Variants in OCIAD1 observed in about 807,000 individuals in gnomAD.
OCIAD1 encodes OCIA domain containing 1.
OCIAD1 carries 29 observed loss-of-function variants against 38.9 expected under a neutral mutation model. That is an observed-to-expected ratio of 0.74 (90% CI 0.55 to 1.02). OCIAD1 has a LOEUF of 1.02. OCIAD1 is among the 50% of genes least tolerant of loss of function. The pLI is 0.00. For synonymous variants in OCIAD1, 110 were observed against 92.0 expected, an observed-to-expected ratio of 1.20 and a Z score of -1.12; for missense variants, 288 against 289.6, an observed-to-expected ratio of 0.99 and a Z score of 0.04.
chr4:48,843,482 A>G (rs1778713090), intron 4 of OCIAD1, among the ~76,000 whole-genome samples: 2 of 152,212 alleles, frequency 1.3e-5, no homozygotes, highest in African/African-American at 4.8e-5. Context: ...ACATTAGGAT[A>G]TGATGTATGG....
intron 1 of OCIAD1, among the ~76,000 whole-genome samples, chr4:48,817,762 T>G (rs1777156493): frequency 6.6e-6 from 1 of 152,196 alleles, no homozygotes. Context: ...CTGCCATTAC[T>G]GACATTTTAG....
intron 7 of OCIAD1, among the ~76,000 whole-genome samples, chr4:48,855,274 G>A (rs931968627): frequency 6.6e-6 from 1 of 152,124 alleles, no homozygotes; most frequent in African/African-American, 2.4e-5. Flanking sequence ...AAGTACACAC[G>A]ATTTCCTTCA....
At chr4:48,852,067 G>A in intron 7 of OCIAD1, 92 bp downstream of exon 7, 1 of 874,096 alleles carries the variant, frequency 1.1e-6, no homozygotes, top group Admixed American at 2.3e-5. Flanking sequence ...GATATCACCT[G>A]TGTGTTCTAC....
At chr4:48,811,673 T>C (rs1261434126) in intron 1 of OCIAD1, among the ~76,000 whole-genome samples, 1 of 151,870 alleles carries the variant, frequency 6.6e-6, no homozygotes, top group Non-Finnish European at 1.5e-5. Context: ...ACAATAATAA[T>C]GAGAAGGGAT....
intron 3 of OCIAD1, among the ~76,000 whole-genome samples, chr4:48,837,428 G>A (rs1483546161): frequency 6.6e-6 from 1 of 151,738 alleles, no homozygotes; most frequent in Non-Finnish European, 1.5e-5. Flanking sequence ...AAGTAGCTGG[G>A]CTTATAGGCG....
At chr4:48,826,519 A>C (rs1047777058), upstream of OCIAD1, among the ~76,000 whole-genome samples, 3 of 152,162 alleles carry the variant, frequency 2.0e-5, no homozygotes. Flanking sequence ...TTCCTGGAAT[A>C]CTATATTTTC....
chr4:48,808,016 T>A (rs1022014333), intron 1 of OCIAD1, among the ~76,000 whole-genome samples: 2 of 152,248 alleles, frequency 1.3e-5, no homozygotes, highest in African/African-American at 4.8e-5. Context: ...AAAATACTAT[T>A]TTTATAAACA....
intron 8 of OCIAD1, among the ~76,000 whole-genome samples, chr4:48,858,212 A>G (rs1780264804): frequency 6.6e-6 from 1 of 152,094 alleles, no homozygotes; most frequent in African/African-American, 2.4e-5. Context: ...AAGTCTTAAG[A>G]CAGCAAGATT....
At chr4:48,828,725 A>C (rs1193607653), upstream of OCIAD1, among the ~76,000 whole-genome samples, 1 of 152,150 alleles carries the variant, frequency 6.6e-6, no homozygotes, top group African/African-American at 2.4e-5. Flanking sequence ...AAGACCACGA[A>C]CCCACCAGAA....
chr4:48,810,468 C>CA (rs749988114), intron 1 of OCIAD1, among the ~76,000 whole-genome samples: 2,179 of 41,448 alleles, frequency 0.053, 71 homozygotes, highest in East Asian at 0.12. Flanking sequence ...GACTCCATCT[C>CA]AAAAAAAAAA....
Position 48,833,412 on chromosome 4 carries a change from GATTAC to G in OCIAD1, c.74_78del (p.Tyr25SerfsTer14). 1 of 1,596,140 alleles carries G rather than the reference GATTAC, an allele frequency of 6.3e-7. No individual in the cohort carries two copies. The highest frequency in any genetic ancestry group is 8.6e-7 in the Non-Finnish European group (1 of 1,164,840). ...TCCCTGGTAAAAAGACATAGGGCCT[GATTAC>G]ATTCCAACAGAGGAAGAAAGGAGAG... On this transcript the variant is annotated frameshift_variant, in exon 3 of 9. Coordinates refer to ENST00000264312, the MANE Select transcript of OCIAD1 (RefSeq NM_017830.4). LOFTEE classifies it high-confidence loss of function.
Position 48,860,892 on chromosome 4 carries a change from G to T in OCIAD1, c.*130G>T. The T allele has an allele frequency of 2.3e-5, 16 of 705,586 alleles. No homozygotes were observed. Among genetic ancestry groups the T allele is most frequent in the South Asian group, 1.1e-4 (6 of 56,238 alleles). 43.7% of individuals were successfully genotyped at this position (705,586 alleles called of 1,614,324 possible). ...TTAAAACAAGATCCTGGGTTTTTGTGGTTTGACTTCTATGGTGTTTTAAAA... is the reference window on the plus strand; with the variant it reads ...TTAAAACAAGATCCTGGGTTTTTGTTGTTTGACTTCTATGGTGTTTTAAAA... On this transcript the variant is annotated 3_prime_UTR_variant, in exon 9 of 9. Coordinates refer to ENST00000264312, the MANE Select transcript of OCIAD1 (RefSeq NM_017830.4).
chr4:48,834,908 T>C (rs866663684), intron 3 of OCIAD1, among the ~76,000 whole-genome samples: 14 of 152,280 alleles, frequency 9.2e-5, no homozygotes, highest in Middle Eastern at 3.4e-3. Flanking sequence ...AGACAGACTT[T>C]GTCCTGAATT....
chr4:48,847,682 A>G (rs1015006343), intron 4 of OCIAD1, among the ~76,000 whole-genome samples: 1 of 152,214 alleles, frequency 6.6e-6, no homozygotes, highest in Non-Finnish European at 1.5e-5. Flanking sequence ...TCATAAATCA[A>G]GTGTGCAGGT....
chr4:48,809,881 A>G (rs1283032494), intron 1 of OCIAD1, among the ~76,000 whole-genome samples: 1 of 152,166 alleles, frequency 6.6e-6, no homozygotes, highest in Non-Finnish European at 1.5e-5. Flanking sequence ...TTATTGCATT[A>G]TATGTTGCAG....
chr4:48,847,591 C>T (rs954701329), intron 4 of OCIAD1, among the ~76,000 whole-genome samples: 2 of 152,176 alleles, frequency 1.3e-5, no homozygotes, highest in Non-Finnish European at 2.9e-5. Context: ...GATGTAGGAT[C>T]AAGGTACATT....
intron 4 of OCIAD1, among the ~76,000 whole-genome samples, chr4:48,847,361 A>C (rs182462330): frequency 2.0e-5 from 3 of 152,196 alleles, no homozygotes; most frequent in East Asian, 3.9e-4. Context: ...TGTCAGATAT[A>C]GATATGGTGA....
At chr4:48,806,142 C>A (rs2109483633) in intron 1 of OCIAD1, among the ~76,000 whole-genome samples, 1 of 152,230 alleles carries the variant, frequency 6.6e-6, no homozygotes, top group Middle Eastern at 3.4e-3. Flanking sequence ...TGGCAGGCGC[C>A]TGTAGTCCCA....
chr4:48,852,467 T>G (rs2109596784), intron 7 of OCIAD1: 1 of 152,524 alleles, frequency 6.6e-6, no homozygotes, highest in African/African-American at 2.4e-5. Flanking sequence ...GAAAATGCTT[T>G]GTGAAGTTTG....
Sources: gnomAD v4.1 joint callset for allele counts (sites outside exome capture counted in the v4.1 genomes callset) on GRCh38, gnomAD v4.1.1 for gene constraint, MANE v1.5 for transcripts, NCBI Gene and HGNC (gene_info 2026-07-23, HGNC 2026-07-21) for gene names.